Variants in SLC9A9 observed in about 807,000 individuals in gnomAD.
SLC9A9 encodes sodium/hydrogen exchanger 9.
In SLC9A9, 62 loss-of-function variants were observed where a neutral mutation model predicts 77.8. The ratio of observed to expected loss-of-function variants is 0.80; its 90% CI spans 0.65 to 0.98. The LOEUF is 0.98. Among genes scored for constraint, SLC9A9 ranks in the 50% least tolerant of loss-of-function variants. SLC9A9 has a pLI of 0.00. For missense variants in SLC9A9, 775 were observed against 774.9 expected (o/e 1.00, Z 0.00); for synonymous variants, 320 against 283.5 (o/e 1.13, Z -1.29).
chr3:143,830,232 A>G (rs950594999), intron 2 of SLC9A9, among the ~76,000 whole-genome samples: 4 of 152,168 alleles, frequency 2.6e-5, no homozygotes, highest in Non-Finnish European at 5.9e-5. Flanking sequence ...TATACCAGCA[A>G]TGAGAGGAGG....
intron 2 of SLC9A9, among the ~76,000 whole-genome samples, chr3:143,828,917 C>T (rs139018486): frequency 3.3e-5 from 5 of 152,296 alleles, no homozygotes; most frequent in East Asian, 1.9e-4. Context: ...TGCCCATTAG[C>T]GTCACCTTGG....
intron 6 of SLC9A9, among the ~76,000 whole-genome samples, chr3:143,628,418 T>C (rs1391533195): frequency 6.6e-6 from 1 of 152,216 alleles, no homozygotes; most frequent in Non-Finnish European, 1.5e-5. Context: ...AATATAATGT[T>C]GAGTACCTCA....
intron 4 of SLC9A9, among the ~76,000 whole-genome samples, chr3:143,758,252 A>T (rs1214253421): frequency 6.6e-6 from 1 of 152,202 alleles, no homozygotes; most frequent in Non-Finnish European, 1.5e-5. Flanking sequence ...TGTAGAACAG[A>T]TGTATTCTAA....
At chr3:143,720,624 C>G (rs566013089) in intron 4 of SLC9A9, among the ~76,000 whole-genome samples, 1 of 152,280 alleles carries the variant, frequency 6.6e-6, no homozygotes, top group Admixed American at 6.5e-5. Context: ...TCCTGACACA[C>G]CCTTTATAAT....
chr3:143,370,601 A>ACACACC (rs1436891895), intron 13 of SLC9A9, among the ~76,000 whole-genome samples: 26 of 150,770 alleles, frequency 1.7e-4, no homozygotes, highest in South Asian at 4.2e-4. Context: ...ACACACACAC[A>ACACACC]CCCTAACAAA....
chr3:143,430,022 C>T (rs1042249587), intron 12 of SLC9A9, among the ~76,000 whole-genome samples: 8 of 152,174 alleles, frequency 5.3e-5, no homozygotes, highest in African/African-American at 1.7e-4. Context: ...TGGTGCCCTG[C>T]CCATTCCAAG....
At chr3:143,324,715 G>A (rs1232070587) in intron 14 of SLC9A9, among the ~76,000 whole-genome samples, 1 of 152,092 alleles carries the variant, frequency 6.6e-6, no homozygotes, top group Non-Finnish European at 1.5e-5. Context: ...CCAGCTACTT[G>A]GGAGGCTGAG....
chr3:143,765,428 T>C (rs16854252), intron 4 of SLC9A9, among the ~76,000 whole-genome samples: 5,593 of 152,250 alleles, frequency 0.037, 358 homozygotes, highest in African/African-American at 0.13. Context: ...CCATTTCGAG[T>C]GCAGTAGGGA....
At chr3:143,287,179 C>G (rs924708304) in intron 14 of SLC9A9, among the ~76,000 whole-genome samples, 1 of 152,098 alleles carries the variant, frequency 6.6e-6, no homozygotes, top group African/African-American at 2.4e-5. Flanking sequence ...GAATGCTCAG[C>G]AAGACAGCTC....
intron 12 of SLC9A9, among the ~76,000 whole-genome samples, chr3:143,427,192 C>G (rs979050708): frequency 1.3e-5 from 2 of 152,168 alleles, no homozygotes; most frequent in African/African-American, 4.8e-5. Context: ...GGTTAAAATG[C>G]CCAGAATATA....
intron 4 of SLC9A9, among the ~76,000 whole-genome samples, chr3:143,769,403 C>A (rs1195290537): frequency 1.3e-5 from 2 of 152,136 alleles, no homozygotes; most frequent in African/African-American, 2.4e-5. Flanking sequence ...TTAGCCAAAA[C>A]AAGCCCATAT....
intron 12 of SLC9A9, among the ~76,000 whole-genome samples, chr3:143,401,167 G>C (rs754821692): frequency 9.2e-5 from 14 of 152,168 alleles, no homozygotes; most frequent in Non-Finnish European, 1.8e-4. Context: ...TGGAAGGAGA[G>C]AGGAGAGTGA....
chr3:143,381,081 G>C (rs1430101334), intron 13 of SLC9A9, among the ~76,000 whole-genome samples: 1 of 152,176 alleles, frequency 6.6e-6, no homozygotes, highest in Admixed American at 6.5e-5. Context: ...AGTTTAAAAT[G>C]GTAGTGCAAA....
intron 13 of SLC9A9, among the ~76,000 whole-genome samples, chr3:143,373,760 T>G (rs1424583854): frequency 1.3e-5 from 2 of 151,932 alleles, no homozygotes; most frequent in Non-Finnish European, 2.9e-5. Flanking sequence ...ATAAAAATTA[T>G]GCAATTTGTA....
intron 12 of SLC9A9, among the ~76,000 whole-genome samples, chr3:143,424,477 C>T: frequency 6.6e-6 from 1 of 151,940 alleles, no homozygotes; most frequent in East Asian, 1.9e-4. Context: ...CGGGGTTTCA[C>T]TGTGTTAGCC....
intron 14 of SLC9A9, among the ~76,000 whole-genome samples, chr3:143,281,074 C>A (rs951469880): frequency 6.6e-6 from 1 of 152,108 alleles, no homozygotes; most frequent in African/African-American, 2.4e-5. Flanking sequence ...CTAATTCTGG[C>A]CAATGTGCTA....
chr3:143,591,447 CTT>C (rs562983942), intron 6 of SLC9A9, among the ~76,000 whole-genome samples: 170 of 152,344 alleles, frequency 1.1e-3, no homozygotes, highest in African/African-American at 3.9e-3. Context: ...ATATTCTTAA[CTT>C]ATATGTTTCT....
At chr3:143,654,504 A>G (rs2038854574) in intron 5 of SLC9A9, among the ~76,000 whole-genome samples, 2 of 152,236 alleles carry the variant, frequency 1.3e-5, no homozygotes, top group Admixed American at 1.3e-4. Flanking sequence ...GGAGGGAACA[A>G]GCAAACACTT....
intron 12 of SLC9A9, among the ~76,000 whole-genome samples, chr3:143,438,832 G>T (rs992406854): frequency 1.3e-5 from 2 of 152,256 alleles, no homozygotes; most frequent in African/African-American, 4.8e-5. Context: ...GCTGCCTCCA[G>T]AGCCACACCC....
Sources: gnomAD v4.1 joint callset for allele counts (sites outside exome capture counted in the v4.1 genomes callset) on GRCh38, gnomAD v4.1.1 for gene constraint, MANE v1.5 for transcripts, NCBI Gene and HGNC (gene_info 2026-07-23, HGNC 2026-07-21) for gene names.